PANK3: variants seen among roughly 807,000 people sequenced by gnomAD.
PANK3 encodes the protein pantothenate kinase 3.
A neutral mutation model predicts 39.4 loss-of-function variants in PANK3; 20 were observed. The ratio of observed to expected loss-of-function variants is 0.51; its 90% CI spans 0.36 to 0.74. The LOEUF (loss-of-function observed/expected upper bound fraction) is 0.74, where lower values mean the gene tolerates loss of function less well. PANK3 is among the 30% of genes least tolerant of loss of function. The pLI, the probability that PANK3 is intolerant of heterozygous loss-of-function variation, is 0.00. For missense variants in PANK3, 265 were observed against 437.0 expected (o/e 0.61, Z 3.51); for synonymous variants, 140 against 157.3 (o/e 0.89, Z 0.82).
chr5:168,574,374 T>C (rs1216960005), intron 1 of PANK3, among the ~76,000 whole-genome samples: 1 of 152,172 alleles, frequency 6.6e-6, no homozygotes, highest in East Asian at 1.9e-4. Flanking sequence ...TGTTTGTTTT[T>C]TTAGTAAGTG....
chr5:168,571,749 T>C (rs1759634176), intron 1 of PANK3, among the ~76,000 whole-genome samples: 1 of 152,192 alleles, frequency 6.6e-6, no homozygotes, highest in Non-Finnish European at 1.5e-5. Flanking sequence ...AATTTACACA[T>C]TTACTAAAAT....
In PANK3 at chr5:168,549,222, C is replaced by T. The variant is rs1361395597; in HGVS notation, c.*8349G>A. On this transcript the variant is annotated 3_prime_UTR_variant, in exon 7 of 7. Coordinates refer to ENST00000239231, the MANE Select transcript of PANK3 (RefSeq NM_024594.4). ...CAAGCAGACTAGGATATTGGTGTTA[C>T]TTCTATAAAGTTACCTTCTGTTTCT... 1 of 152,118 alleles carries T rather than the reference C, an allele frequency of 6.6e-6. No individual in the cohort carries two copies. Among genetic ancestry groups the T allele is most frequent in the African/African-American group, 2.4e-5 (1 of 41,434 alleles). 9.4% of individuals were successfully genotyped at this position (152,118 alleles called of 1,614,324 possible). A position where few individuals can be genotyped will look rare whatever the true frequency, so the allele number is the denominator to read the frequency against.
At chr5:168,571,067 C>T (rs1262830654) in intron 1 of PANK3, among the ~76,000 whole-genome samples, 5 of 152,042 alleles carry the variant, frequency 3.3e-5, no homozygotes, top group African/African-American at 7.2e-5. Context: ...TGTATATATT[C>T]GGAAGATTAT....
chr5:168,572,038 ATAAC>A (rs1482959357), intron 1 of PANK3, among the ~76,000 whole-genome samples: 1 of 152,146 alleles, frequency 6.6e-6, no homozygotes, highest in Non-Finnish European at 1.5e-5. Context: ...ACAGGTATAA[ATAAC>A]TAAGCAACAT....
intron 6 of PANK3, 66 bp from the exon 7 acceptor site, chr5:168,557,687 T>G (rs1582460452): frequency 1.6e-6 from 2 of 1,256,478 alleles, no homozygotes; most frequent in Non-Finnish European, 2.3e-6. Flanking sequence ...ATTAACCACT[T>G]GAGAACACAC....
chr5:168,579,368 C>G lies in PANK3; in HGVS notation c.-85G>C, dbSNP rs796068459. The G allele has an allele frequency of 5.0e-6, 6 of 1,191,026 alleles. No individual in the cohort carries two copies. In the African/African-American group the frequency reaches 9.5e-5, roughly 19 times the overall value. The allele number at this position is 1,191,026 out of a possible 1,614,324, so 73.8% of individuals were successfully genotyped here. On this transcript the variant is annotated 5_prime_UTR_variant, in exon 1 of 7. Coordinates refer to ENST00000239231, the MANE Select transcript of PANK3 (RefSeq NM_024594.4). ...CGACTCCGGAGGTGGCTGGGCCGCGCGGCGAGGCCCGGCCGGTTCCTCCCC... is the reference window on the plus strand; with the variant it reads ...CGACTCCGGAGGTGGCTGGGCCGCGGGGCGAGGCCCGGCCGGTTCCTCCCC...
chr5:168,558,661 T>C (rs978668900), intron 6 of PANK3, among the ~76,000 whole-genome samples: 5 of 152,194 alleles, frequency 3.3e-5, no homozygotes, highest in Non-Finnish European at 1.5e-5. Flanking sequence ...CCTAACAGGT[T>C]ATTGTAATTC....
chr5:168,576,078 T>C (rs1022128947), intron 1 of PANK3, among the ~76,000 whole-genome samples: 4 of 152,194 alleles, frequency 2.6e-5, no homozygotes, highest in African/African-American at 9.6e-5. Context: ...ACTGATTCCT[T>C]AGGACAGCTT....
chr5:168,578,000 A>G (rs1440353589), intron 1 of PANK3, among the ~76,000 whole-genome samples: 1 of 152,242 alleles, frequency 6.6e-6, no homozygotes, highest in African/African-American at 2.4e-5. Flanking sequence ...TTGAACAACT[A>G]TGACAGGATC....
chr5:168,573,650 A>G (rs1218496540), intron 1 of PANK3, among the ~76,000 whole-genome samples: 1 of 142,626 alleles, frequency 7.0e-6, no homozygotes, highest in Non-Finnish European at 1.5e-5. Flanking sequence ...TATATCTCCC[A>G]ATGCTATCCC....
chr5:168,570,761 G>A (rs1024006551), intron 1 of PANK3, among the ~76,000 whole-genome samples: 6 of 152,070 alleles, frequency 3.9e-5, no homozygotes, highest in Non-Finnish European at 7.4e-5. Flanking sequence ...TTTAGACAAC[G>A]GGAACACTAC....
intron 1 of PANK3, among the ~76,000 whole-genome samples, chr5:168,577,551 T>A (rs991891903): frequency 6.6e-6 from 1 of 151,998 alleles, no homozygotes; most frequent in African/African-American, 2.4e-5. Flanking sequence ...GGTGCCCAGG[T>A]TGGTCTCGAA....
At chr5:168,575,041 G>A (rs1040978339) in intron 1 of PANK3, among the ~76,000 whole-genome samples, 3 of 150,484 alleles carry the variant, frequency 2.0e-5, no homozygotes. Context: ...TTGCTAAGGT[G>A]AAAAAAAAGA....
chr5:168,550,532 TA>T lies in PANK3; in HGVS notation c.*7038del, dbSNP rs1396728674. On this transcript the variant is annotated 3_prime_UTR_variant, in exon 7 of 7. Coordinates refer to ENST00000239231, the MANE Select transcript of PANK3 (RefSeq NM_024594.4). ...AAGTACAAACATTTTAATATACATA[TA>T]AAACCTTTCATATTACTTTAAGGTA... 1 of 152,196 alleles carries T rather than the reference TA, an allele frequency of 6.6e-6. No homozygotes were observed. The highest frequency in any genetic ancestry group is 6.5e-5 in the Admixed American group (1 of 15,284). The allele number at this position is 152,196 out of a possible 1,614,324, so 9.4% of individuals were successfully genotyped here. A position where few individuals can be genotyped will look rare whatever the true frequency, so the allele number is the denominator to read the frequency against.
chr5:168,560,243 A>C (rs1759425308), intron 5 of PANK3, among the ~76,000 whole-genome samples: 1 of 152,216 alleles, frequency 6.6e-6, no homozygotes, highest in South Asian at 2.1e-4. Context: ...TGATGAGACC[A>C]AGTTCTGGAT....
chr5:168,566,410 G>T, intron 2 of PANK3, 144 bp from the exon 3 acceptor site: 1 of 917,386 alleles, frequency 1.1e-6, no homozygotes, highest in Non-Finnish European at 1.6e-6. Context: ...ATCTCTTTCG[G>T]GATTTCATCT....
At chr5:168,574,072 A>G (rs1328776472) in intron 1 of PANK3, among the ~76,000 whole-genome samples, 1 of 150,838 alleles carries the variant, frequency 6.6e-6, no homozygotes, top group Non-Finnish European at 1.5e-5. Context: ...TTCTAGTTCT[A>G]GATCCCTGAG....
chr5:168,559,077 ATCCAG>A lies in PANK3; in HGVS notation c.1012_1016del (p.Asp339LeufsTer14). On this transcript the variant is annotated frameshift_variant, in exon 6 of 7. Transcript: ENST00000239231. LOFTEE classifies it high-confidence loss of function. Reference sequence around the variant, plus strand: ...CTTTTAGTTGACCTTTTGACCAGTAATCCAGTGCATATGCCAAAAGTTTCATTGAG... The same window carrying A: ...CTTTTAGTTGACCTTTTGACCAGTAATGCATATGCCAAAAGTTTCATTGAG... The A allele has an allele frequency of 6.2e-7, 1 of 1,611,124 alleles. No homozygotes were observed. Among genetic ancestry groups the A allele is most frequent in the Non-Finnish European group, 8.5e-7 (1 of 1,177,952 alleles).
chr5:168,553,377 A>G lies in PANK3; in HGVS notation c.*4194T>C, dbSNP rs568152645. The G allele has an allele frequency of 1.0e-5, 5 of 492,862 alleles. No homozygotes were observed. The highest frequency in any genetic ancestry group is 6.1e-5 in the South Asian group (4 of 65,474). The allele number at this position is 492,862 out of a possible 1,614,324, so 30.5% of individuals were successfully genotyped here. ...CCAGGATCAGCATTTCAACCAACTC[A>G]GCTTGTCTGCAGAATCCCATAAGGC... On this transcript the variant is annotated 3_prime_UTR_variant, in exon 7 of 7. Coordinates refer to ENST00000239231, the MANE Select transcript of PANK3 (RefSeq NM_024594.4).
Sources: gnomAD v4.1 joint callset for allele counts (sites outside exome capture counted in the v4.1 genomes callset) on GRCh38, gnomAD v4.1.1 for gene constraint, MANE v1.5 for transcripts, NCBI Gene and HGNC (gene_info 2026-07-23, HGNC 2026-07-21) for gene names.